The following LIMCH1 variants were observed in gnomAD, a reference collection of about 807,000 sequenced individuals.
LIMCH1 encodes the protein LIM and calponin homology domains-containing protein 1.
LIMCH1 carries 113 observed loss-of-function variants against 176.5 expected under a neutral mutation model. The observed-to-expected ratio is 0.64, with a 90% CI of 0.55 to 0.75. LIMCH1 has a LOEUF of 0.75. Among genes scored for constraint, LIMCH1 ranks in the 30% least tolerant of loss-of-function variants. The pLI is 0.00. For missense variants in LIMCH1, 1,674 were observed against 1,814.9 expected, an observed-to-expected ratio of 0.92 and a Z score of 1.41; for synonymous variants, 619 against 645.9, an observed-to-expected ratio of 0.96 and a Z score of 0.63.
At chr4:41,459,853 T>G (rs2065074051) in intron 1 of LIMCH1, among the ~76,000 whole-genome samples, 1 of 152,034 alleles carries the variant, frequency 6.6e-6, no homozygotes, top group African/African-American at 2.4e-5. Flanking sequence ...TGGAGGAAGG[T>G]GCTGACCAGG....
intron 1 of LIMCH1, among the ~76,000 whole-genome samples, chr4:41,371,849 A>G (rs1400534293): frequency 6.6e-6 from 1 of 152,182 alleles, no homozygotes; most frequent in Admixed American, 6.5e-5. Flanking sequence ...CTGAACAAAT[A>G]TAGTTGGCTA....
intron 5 of LIMCH1, among the ~76,000 whole-genome samples, chr4:41,615,147 A>G (rs916949797): frequency 1.3e-5 from 2 of 152,242 alleles, no homozygotes; most frequent in Non-Finnish European, 2.9e-5. Flanking sequence ...GAGCTTTAAC[A>G]TAACCAAAGA....
intron 9 of LIMCH1, among the ~76,000 whole-genome samples, chr4:41,630,127 A>AT (rs1051819880): frequency 2.0e-5 from 3 of 151,796 alleles, no homozygotes; most frequent in Admixed American, 6.6e-5. Flanking sequence ...TAATTAATTA[A>AT]TTTTTTTAAA....
intron 1 of LIMCH1, among the ~76,000 whole-genome samples, chr4:41,472,389 A>C (rs993433153): frequency 8.0e-6 from 1 of 124,526 alleles, no homozygotes; most frequent in South Asian, 2.7e-4. Context: ...TCCTTCCTTC[A>C]TTCCTCTCTC....
chr4:41,626,967 C>G lies in LIMCH1; in HGVS notation c.985C>G (p.Leu329Val), dbSNP rs1479218871. The change falls in exon 8 of 32, where the codon CTC becomes GTC. Residue 329 changes from leucine to valine, a missense_variant. This residue lies in a region of LIMCH1 where 655 missense variants were observed against 692.2 expected (regional missense o/e 0.95). Coordinates refer to ENST00000503057, the MANE Select transcript of LIMCH1 (RefSeq NM_001330672.2). ...GAEKSDGSKQ[L>V]SKGISKKRSL... ...AGAGAAATCAGATGGCAGCAAACAG[C>G]TCTCAAAGGGAATCTCAAAAAAAAG... The G allele has an allele frequency of 2.6e-6, 4 of 1,535,586 alleles. No individual in the cohort carries two copies. Among genetic ancestry groups the G allele is most frequent in the Non-Finnish European group, 3.5e-6 (4 of 1,146,844 alleles).
chr4:41,486,239 TC>T (rs1174166679), intron 1 of LIMCH1, among the ~76,000 whole-genome samples: 3 of 152,278 alleles, frequency 2.0e-5, no homozygotes, highest in East Asian at 3.9e-4. Context: ...CTGCTAAGCT[TC>T]CCGTTCTCCT....
intron 2 of LIMCH1, among the ~76,000 whole-genome samples, chr4:41,523,030 A>G (rs539019670): frequency 8.5e-5 from 13 of 152,172 alleles, no homozygotes; most frequent in Non-Finnish European, 1.5e-4. Context: ...GAGAACAGCC[A>G]ATTAATCTTG....
intron 2 of LIMCH1, among the ~76,000 whole-genome samples, chr4:41,504,344 A>G (rs762178007): frequency 3.3e-5 from 5 of 152,196 alleles, no homozygotes; most frequent in African/African-American, 7.2e-5. Context: ...GCCCCAGTCA[A>G]TGGGATCCCT....
At chr4:41,546,873 G>C (rs1041134156) in intron 1 of LIMCH1, among the ~76,000 whole-genome samples, 1 of 152,002 alleles carries the variant, frequency 6.6e-6, no homozygotes, top group Non-Finnish European at 1.5e-5. Context: ...GAGAGAGAAA[G>C]AGAGAGAGAG....
chr4:41,416,745 G>A (rs929501059), intron 1 of LIMCH1, among the ~76,000 whole-genome samples: 7 of 151,938 alleles, frequency 4.6e-5, no homozygotes, highest in Admixed American at 4.6e-4. Context: ...GTATTAGGCA[G>A]CTGATAATAT....
intron 3 of LIMCH1, among the ~76,000 whole-genome samples, chr4:41,531,616 T>G (rs1204388237): frequency 6.6e-6 from 1 of 152,042 alleles, no homozygotes; most frequent in African/African-American, 2.4e-5. Context: ...TCCTTGCTTC[T>G]TACCCTTTTG....
At chr4:41,390,954 G>A (rs576285218) in intron 1 of LIMCH1, among the ~76,000 whole-genome samples, 12 of 152,124 alleles carry the variant, frequency 7.9e-5, no homozygotes, top group African/African-American at 2.9e-4. Context: ...GGGCAGCCAC[G>A]TGCCTAAAGT....
chr4:41,487,755 T>C lies in LIMCH1; in HGVS notation c.97-6781T>C, dbSNP rs1488678097. 2.0e-5 allele frequency among the ~76,000 whole-genome samples: 3 copies of C among 148,052 alleles called. No individual in the cohort carries two copies. In the East Asian group the frequency reaches 6.1e-4, roughly 30 times the overall value. ...CTCACTGCAAGCTCCACCTCCTGGG[T>C]TCACGCCATTCTCCTGCCTCCCTAG... On this transcript the variant is annotated intron_variant, in intron 1 of 26. Coordinates refer to the LIMCH1 transcript ENST00000313860.
intron 1 of LIMCH1, among the ~76,000 whole-genome samples, chr4:41,591,065 A>T (rs2087457581): frequency 6.6e-6 from 1 of 152,186 alleles, no homozygotes; most frequent in Admixed American, 6.5e-5. Context: ...TAAAAGAAAA[A>T]CAAGTCTTAT....
intron 1 of LIMCH1, among the ~76,000 whole-genome samples, chr4:41,402,737 A>C (rs2058579038): frequency 6.7e-6 from 1 of 148,710 alleles, no homozygotes; most frequent in Non-Finnish European, 1.5e-5. Context: ...CAAAAAACCA[A>C]ACACCGCATG....
At chr4:41,693,700 C>T (rs1456369813) in intron 31 of LIMCH1, among the ~76,000 whole-genome samples, 3 of 151,986 alleles carry the variant, frequency 2.0e-5, no homozygotes, top group Non-Finnish European at 4.4e-5. Context: ...AGGAAAACAA[C>T]TCTTTTCTCC....
rs1554094745 is a variant in LIMCH1 at position 41,547,863 on chromosome 4, G to GTATGTATA, written c.-241+9516_-241+9517insGTATATAT. Among the ~76,000 whole-genome samples the GTATGTATA allele has an allele frequency of 5.4e-5, 5 of 93,224 alleles. No individual in the cohort carries two copies. In the South Asian group the frequency reaches 1.5e-3, roughly 28 times the overall value. 61.2% of individuals were successfully genotyped at this position (93,224 alleles called of 152,430 possible). On this transcript the variant is annotated intron_variant, in intron 1 of 31. Coordinates refer to ENST00000503057, the MANE Select transcript of LIMCH1 (RefSeq NM_001330672.2). Reference sequence around the variant, plus strand: ...TTTATGATATATAATTTGTGTGTGTGTATATATATATATATATATATATAT... The same window carrying GTATGTATA: ...TTTATGATATATAATTTGTGTGTGTGTATGTATATATATATATATATATATATATATAT...
chr4:41,419,921 G>C (rs1453589950), intron 1 of LIMCH1, among the ~76,000 whole-genome samples: 1 of 151,594 alleles, frequency 6.6e-6, no homozygotes, highest in Non-Finnish European at 1.5e-5. Context: ...AAGTTTCCTT[G>C]CCCTCAAGAA....
intron 20 of LIMCH1, among the ~76,000 whole-genome samples, chr4:41,665,318 C>T (rs1453124079): frequency 6.6e-6 from 1 of 152,134 alleles, no homozygotes; most frequent in African/African-American, 2.4e-5. Context: ...TGCCAGCCTC[C>T]ACTACAAGGA....
Sources: gnomAD v4.1 joint callset for allele counts (sites outside exome capture counted in the v4.1 genomes callset) on GRCh38, gnomAD v4.1.1 for gene constraint, gnomAD v4.1.1 regional missense constraint, MANE v1.5 for transcripts, NCBI Gene and HGNC (gene_info 2026-07-23, HGNC 2026-07-21) for gene names.